USP50: variants seen among roughly 807,000 people sequenced by gnomAD.
The protein encoded by USP50 is ubiquitin carboxyl-terminal hydrolase 50.
Under a neutral mutation model 39.2 loss-of-function variants are expected in USP50, and 37 were observed. That is an observed-to-expected ratio of 0.94 (90% CI 0.73 to 1.24). The LOEUF (loss-of-function observed/expected upper bound fraction) is 1.24, where lower values mean the gene tolerates loss of function less well. Among genes scored for constraint, USP50 ranks in the 50% most tolerant of loss-of-function variants. The pLI is 0.00. For synonymous variants in USP50, 139 were observed against 144.5 expected (o/e 0.96, Z 0.27); for missense variants, 374 against 398.2 (o/e 0.94, Z 0.52).
At chr15:50,534,777 G>A (rs1175852189) in intron 5 of USP50, among the ~76,000 whole-genome samples, 1 of 152,100 alleles carries the variant, frequency 6.6e-6, no homozygotes, top group African/African-American at 2.4e-5. Flanking sequence ...AATGATAAAG[G>A]GATCACTTTT....
At position 50,543,758 on chromosome 15, in the gene USP50, A is replaced by C; in HGVS notation, c.284T>G (p.Leu95Arg). 1 of 1,609,950 alleles carries C rather than the reference A, an allele frequency of 6.2e-7. No homozygotes were observed. Among genetic ancestry groups the C allele is most frequent in the Non-Finnish European group, 8.5e-7 (1 of 1,177,878 alleles). Reference sequence around the variant, plus strand: ...GTCTCCCAGCCACATGTCTGTCATCAGATAGGCAAAAGCAGTGGCAACTTC... The same window carrying C: ...GTCTCCCAGCCACATGTCTGTCATCCGATAGGCAAAAGCAGTGGCAACTTC... ...CSEVATAFAY[L>R]MTDMWLGDSD... is the part of the protein sequence containing the mutation. The change falls in exon 3 of 7, where the codon CTG becomes CGG. Residue 95 changes from leucine to arginine, a missense_variant. Leu to Arg is a moderately radical substitution (Grantham distance 102). Coordinates refer to ENST00000532404, the MANE Select transcript of USP50 (RefSeq NM_203494.5).
At chr15:50,500,133 T>G (rs977336149), downstream of USP50, 1 of 152,202 alleles carries the variant, frequency 6.6e-6, no homozygotes, top group African/African-American at 2.4e-5. Context: ...AGACCACCAT[T>G]AGCAGGCTCT....
chr15:50,500,557 G>T, downstream of USP50: 1 of 490,596 alleles, frequency 2.0e-6, no homozygotes, highest in Non-Finnish European at 3.7e-6. Flanking sequence ...TGTTAATGAT[G>T]CAAGTAAGTT....
chr15:50,493,566 C>T (rs2052260883), downstream of USP50: 2 of 494,484 alleles, frequency 4.0e-6, no homozygotes, highest in Non-Finnish European at 4.0e-6. Flanking sequence ...CCAGTCTGGG[C>T]AACAAGGCAA....
At chr15:50,497,078 T>C, downstream of USP50, 1 of 1,586,218 alleles carries the variant, frequency 6.3e-7, no homozygotes, top group East Asian at 2.3e-5. Context: ...CTACTTGTTT[T>C]TTTCTGCCAG....
chr15:50,539,656 C>T (rs778884886), intron 4 of USP50, among the ~76,000 whole-genome samples: 5 of 150,388 alleles, frequency 3.3e-5, no homozygotes, highest in South Asian at 2.1e-4. Flanking sequence ...TCTCGTGATC[C>T]GCCCGCCTTG....
chr15:50,500,971 T>TA, intron 6 of USP50, 134 bp from the exon 7 acceptor site: 1 of 750,840 alleles, frequency 1.3e-6, no homozygotes, highest in Non-Finnish European at 2.2e-6. Context: ...ATTTTGTTGT[T>TA]AAATCATGCA....
intron 6 of USP50, chr15:50,506,606 TTATTACTAGTTGAAATA>T (rs1283319598): frequency 1.3e-5 from 2 of 152,082 alleles, no homozygotes; most frequent in African/African-American, 4.8e-5. Flanking sequence ...AAATCCGAAT[TTATTACTAGTTGAAATA>T]TATGGGATGT....
chr15:50,541,378 T>C, intron 3 of USP50, 114 bp from the exon 4 acceptor site: 1 of 803,400 alleles, frequency 1.2e-6, no homozygotes, highest in Non-Finnish European at 2.0e-6. Context: ...CTAGGCATGG[T>C]GGCACACATC....
At chr15:50,524,265 G>C (rs2052871740) in intron 6 of USP50, among the ~76,000 whole-genome samples, 1 of 152,172 alleles carries the variant, frequency 6.6e-6, no homozygotes, top group South Asian at 2.1e-4. Flanking sequence ...AGCAAAAATA[G>C]ACAAAGGGAA....
chr15:50,512,911 T>G (rs541407371), intron 6 of USP50: 10 of 152,336 alleles, frequency 6.6e-5, no homozygotes, highest in African/African-American at 2.2e-4. Flanking sequence ...AAAAAGATCA[T>G]GTACAACAAA....
intron 6 of USP50, among the ~76,000 whole-genome samples, chr15:50,523,615 T>C (rs980915405): frequency 3.3e-5 from 5 of 152,154 alleles, no homozygotes; most frequent in Admixed American, 6.6e-5. Context: ...ACTATACGTA[T>C]TGAAGAAAGA....
intron 2 of USP50, 67 bp from the exon 3 acceptor site, chr15:50,543,860 C>G (rs574812489): frequency 2.7e-6 from 4 of 1,476,586 alleles, no homozygotes; most frequent in Non-Finnish European, 3.7e-6. Flanking sequence ...TCACCCAAGC[C>G]TAGGAAATTA....
chr15:50,534,547 A>G (rs1339926226), intron 5 of USP50, among the ~76,000 whole-genome samples: 7 of 152,234 alleles, frequency 4.6e-5, no homozygotes, highest in Non-Finnish European at 1.0e-4. Flanking sequence ...GTCTATATAC[A>G]TTAATTAAAA....
intron 6 of USP50, chr15:50,503,526 A>G (rs1596002472): frequency 1.3e-5 from 2 of 152,208 alleles, no homozygotes; most frequent in Non-Finnish European, 2.9e-5. Flanking sequence ...AGGACCTTTA[A>G]AGACATTCAC....
intron 5 of USP50, among the ~76,000 whole-genome samples, chr15:50,530,559 G>A (rs1433149431): frequency 6.6e-6 from 1 of 152,158 alleles, no homozygotes; most frequent in Non-Finnish European, 1.5e-5. Context: ...ACTCCAGCCT[G>A]GGTGACAGAG....
At chr15:50,510,449 T>C (rs139172953) in intron 6 of USP50, 2 of 152,198 alleles carry the variant, frequency 1.3e-5, no homozygotes, top group African/African-American at 2.4e-5. Flanking sequence ...GGATGGATTC[T>C]GGTCTTTGAA....
At position 50,500,601 on chromosome 15, in the gene USP50, C is replaced by A; in HGVS notation, c.*168G>T. On this transcript the variant is annotated 3_prime_UTR_variant, in exon 7 of 7. Coordinates refer to ENST00000532404, the MANE Select transcript of USP50 (RefSeq NM_203494.5). Reference sequence around the variant, plus strand: ...TTAATGACCAAGCAAAACTCTACCACCAGATGCTGACTGCTTGTTTTGCAG... The same window carrying A: ...TTAATGACCAAGCAAAACTCTACCAACAGATGCTGACTGCTTGTTTTGCAG... 1.7e-6 allele frequency: 1 copy of A among 582,900 alleles called. No individual in the cohort carries two copies. The highest frequency in any genetic ancestry group is 3.0e-6 in the Non-Finnish European group (1 of 330,052). 36.1% of individuals were successfully genotyped at this position (582,900 alleles called of 1,614,324 possible). A position where few individuals can be genotyped will look rare whatever the true frequency, so the allele number is the denominator to read the frequency against.
At chr15:50,542,063 AT>A (rs2053034006) in intron 3 of USP50, among the ~76,000 whole-genome samples, 1 of 147,988 alleles carries the variant, frequency 6.8e-6, no homozygotes, top group African/African-American at 2.5e-5. Flanking sequence ...AAAAAAAAAG[AT>A]AAGAGAGCAA....
Sources: allele counts gnomAD v4.1 joint callset (sites outside exome capture counted in the v4.1 genomes callset), GRCh38; gene constraint gnomAD v4.1.1; transcripts MANE v1.5; gene names NCBI Gene and HGNC (gene_info 2026-07-23, HGNC 2026-07-21).